LCORL: variants seen among roughly 807,000 people sequenced by gnomAD.
The protein encoded by LCORL is ligand-dependent nuclear receptor corepressor-like protein.
A neutral mutation model predicts 141.8 loss-of-function variants in LCORL; 41 were observed. That is an observed-to-expected ratio of 0.29 (90% CI 0.23 to 0.38). The LOEUF is 0.38. Ranked by LOEUF, LCORL falls within the 10% of genes least tolerant of loss-of-function variation. The pLI is 1.00. For synonymous variants in LCORL, 618 were observed against 694.1 expected, an observed-to-expected ratio of 0.89 and a Z score of 1.72; for missense variants, 1,759 against 2,035.0, an observed-to-expected ratio of 0.86 and a Z score of 2.61.
intron 1 of LCORL, among the ~76,000 whole-genome samples, chr4:17,980,107 G>C (rs917528501): frequency 6.6e-6 from 1 of 152,118 alleles, no homozygotes; most frequent in Admixed American, 6.5e-5. Flanking sequence ...ACCCATTTCA[G>C]ATCTCTGACC....
In LCORL at chr4:17,966,386, C is replaced by T. The variant is rs181555198; in HGVS notation, c.221-3337G>A. 2.5e-3 allele frequency among the ~76,000 whole-genome samples: 388 copies of T among 152,174 alleles called. 1 individual carries two copies. Among genetic ancestry groups the T allele is most frequent in the African/African-American group, 8.9e-3 (368 of 41,538 alleles). Reference sequence around the variant, plus strand: ...AAAGGAATATTATGAACATCATGCTCACAAATTTGATAACTTTAAATAAAA... The same window carrying T: ...AAAGGAATATTATGAACATCATGCTTACAAATTTGATAACTTTAAATAAAA... On this transcript the variant is annotated intron_variant, in intron 2 of 7. Transcript: ENST00000635767.
At position 17,897,213 on chromosome 4, in the gene LCORL, CTTTTTTTTTTTTTTTTTTTTTTT is replaced by C. The variant is rs761784734; in HGVS notation, c.683-11075_683-11053del. On this transcript the variant is annotated intron_variant, in intron 5 of 7. Coordinates refer to ENST00000635767, the Ensembl canonical transcript of LCORL. ...AGACTTCTCTTTGATATACTGATTT[CTTTTTTTTTTTTTTTTTTTTTTT>C]TTTTTTTTTTTTTTTAGGGTATATA... Among the ~76,000 whole-genome samples, 16 of 63,996 alleles carry C rather than the reference CTTTTTTTTTTTTTTTTTTTTTTT, an allele frequency of 2.5e-4. 2 individuals carry two copies. In the Admixed American group the frequency reaches 2.7e-3, roughly 11 times the overall value. 42.0% of individuals were successfully genotyped at this position (63,996 alleles called of 152,430 possible).
intron 4 of LCORL, among the ~76,000 whole-genome samples, chr4:17,955,410 G>A (rs1712399634): frequency 6.6e-6 from 1 of 152,212 alleles, no homozygotes; most frequent in South Asian, 2.1e-4. Flanking sequence ...GCAAAAGTAT[G>A]GACAATAACA....
At chr4:17,938,208 T>C (rs1303079741) in intron 4 of LCORL, among the ~76,000 whole-genome samples, 1 of 151,610 alleles carries the variant, frequency 6.6e-6, no homozygotes, top group Non-Finnish European at 1.5e-5. Context: ...GGTTTCTCCA[T>C]GTTGGTCAGG....
At chr4:17,848,996 C>G (rs1224413388) in intron 7 of LCORL, among the ~76,000 whole-genome samples, 1 of 152,246 alleles carries the variant, frequency 6.6e-6, no homozygotes, top group Non-Finnish European at 1.5e-5. Flanking sequence ...CCACCATTGC[C>G]CAGGCTTGCT....
At chr4:17,896,224 C>T (rs137905631) in intron 5 of LCORL, among the ~76,000 whole-genome samples, 4 of 152,218 alleles carry the variant, frequency 2.6e-5, no homozygotes, top group Non-Finnish European at 5.9e-5. Flanking sequence ...TTCTAGCCAT[C>T]CCTAGTGGAT....
intron 1 of LCORL, among the ~76,000 whole-genome samples, chr4:18,015,645 G>C (rs1359972216): frequency 1.3e-5 from 2 of 151,764 alleles, no homozygotes; most frequent in Non-Finnish European, 2.9e-5. Flanking sequence ...TTGGATAGCA[G>C]ACCCATCCAT....
At chr4:18,011,891 T>C (rs1399836604) in intron 1 of LCORL, among the ~76,000 whole-genome samples, 1 of 152,232 alleles carries the variant, frequency 6.6e-6, no homozygotes, top group East Asian at 1.9e-4. Context: ...TTTTGAATCC[T>C]TCAAGTCAAA....
At position 17,982,099 on chromosome 4, in the gene LCORL, CGTGTGTGTGTGTGTGTGTGTGTGTGTGT is replaced by C. The variant is rs57094203; in HGVS notation, c.155-9242_155-9215del. 2.2e-5 allele frequency among the ~76,000 whole-genome samples: 3 copies of C among 136,582 alleles called. No individual in the cohort carries two copies. The South Asian group carries it at 7.8e-4, about 36-fold the overall frequency. The allele number at this position is 136,582 out of a possible 152,430, so 89.6% of individuals were successfully genotyped here. ...TTTTCATGGCTGCATAGTATTCCAT[CGTGTGTGTGTGTGTGTGTGTGTGTGTGT>C]GTGTGTGTGTGTGTGTGTATACAAG... is the stretch of plus-strand genomic sequence containing the variant. On this transcript the variant is annotated intron_variant, in intron 1 of 7. Coordinates refer to ENST00000635767, the Ensembl canonical transcript of LCORL.
intron 5 of LCORL, among the ~76,000 whole-genome samples, chr4:17,907,802 C>T (rs1048429768): frequency 6.6e-6 from 1 of 152,078 alleles, no homozygotes; most frequent in East Asian, 1.9e-4. Context: ...CATTGTAGCC[C>T]GGGGAAGCCA....
In LCORL at chr4:17,884,007, C is replaced by A; in HGVS notation, c.776+2061G>T. On this transcript the variant is annotated intron_variant, in intron 6 of 7. Transcript: ENST00000635767. The surrounding 1 kb of genome is among the most constrained non-coding windows in gnomAD (Gnocchi z 4.4). Reference sequence around the variant, plus strand: ...CTGGGCTGCTTACTGTCTTTTCGATCTAATCCATCTTCAGTATTTTCAGAG... The same window carrying A: ...CTGGGCTGCTTACTGTCTTTTCGATATAATCCATCTTCAGTATTTTCAGAG... 1 of 1,550,846 alleles carries A rather than the reference C, an allele frequency of 6.4e-7. No individual in the cohort carries two copies. The highest frequency in any genetic ancestry group is 1.4e-5 in the African/African-American group (1 of 73,062).
At chr4:17,875,454 T>G (rs1726817876) in exon 7 of LCORL, 1 of 1,231,318 alleles carries the variant, frequency 8.1e-7, no homozygotes, top group Admixed American at 4.2e-5. Flanking sequence ...ACTATTATAT[T>G]CAGTTGGAAA....
intron 1 of LCORL, among the ~76,000 whole-genome samples, chr4:17,973,486 C>T (rs1716367291): frequency 6.6e-6 from 1 of 151,764 alleles, no homozygotes; most frequent in Non-Finnish European, 1.5e-5. Context: ...CCAAGTATTC[C>T]ACTTTCTGGA....
At chr4:17,963,140 T>C in intron 2 of LCORL, 91 bp from the exon 3 acceptor site, 1 of 582,934 alleles carries the variant, frequency 1.7e-6, no homozygotes, top group Non-Finnish European at 2.9e-6. Flanking sequence ...CACATAATAA[T>C]AATTTTTAAA....
chr4:17,849,524 G>A (rs1475727947), intron 7 of LCORL, among the ~76,000 whole-genome samples: 43 of 152,258 alleles, frequency 2.8e-4, no homozygotes, highest in Admixed American at 1.7e-3. Context: ...AAACCCATCT[G>A]TAAATCACCA....
At chr4:17,904,494 G>C (rs968789130) in intron 5 of LCORL, among the ~76,000 whole-genome samples, 1 of 152,042 alleles carries the variant, frequency 6.6e-6, no homozygotes, top group African/African-American at 2.4e-5. Context: ...TTTGAATTAA[G>C]ATATTATCCT....
intron 1 of LCORL, among the ~76,000 whole-genome samples, chr4:18,013,012 AACCTATTATAATATGGCTGCCAT>A: frequency 6.6e-6 from 1 of 152,336 alleles, no homozygotes; most frequent in Admixed American, 6.5e-5. Context: ...ATTACTTTCT[AACCTATTATAATATGGCTGCCAT>A]CTCCCTCACT....
chr4:18,008,878 A>T (rs1408547398), intron 1 of LCORL, among the ~76,000 whole-genome samples: 3 of 152,318 alleles, frequency 2.0e-5, no homozygotes, highest in African/African-American at 7.2e-5. Flanking sequence ...ATGTTTTAAC[A>T]ATCTTTAACT....
intron 4 of LCORL, among the ~76,000 whole-genome samples, chr4:17,917,732 G>T (rs1733674574): frequency 6.6e-6 from 1 of 152,256 alleles, no homozygotes; most frequent in Admixed American, 6.5e-5. Flanking sequence ...GCGGGTTGTT[G>T]TTGCTGTTTT....
Sources: allele counts gnomAD v4.1 joint callset (sites outside exome capture counted in the v4.1 genomes callset), GRCh38; gene constraint gnomAD v4.1.1; non-coding constraint Gnocchi (gnomAD v3.1); transcripts MANE v1.5; gene names NCBI Gene and HGNC (gene_info 2026-07-23, HGNC 2026-07-21).